Variants in DYNLL1 observed in about 807,000 individuals in gnomAD.
DYNLL1 encodes the protein dynein light chain 1, cytoplasmic.
DYNLL1 carries 3 observed loss-of-function variants against 10.1 expected under a neutral mutation model. That is an observed-to-expected ratio of 0.30 (90% CI 0.14 to 0.77). The LOEUF (loss-of-function observed/expected upper bound fraction) is 0.77, where lower values mean the gene tolerates loss of function less well. DYNLL1 is among the 30% of genes least tolerant of loss of function. The pLI is 0.66. For synonymous variants in DYNLL1, 46 were observed against 41.2 expected (o/e 1.12, Z -0.45); for missense variants, 47 against 111.7 (o/e 0.42, Z 2.61).
chr12:120,497,260 C>A (rs1460582723), intron 2 of DYNLL1: 1 of 153,130 alleles, frequency 6.5e-6, no homozygotes, highest in East Asian at 1.9e-4. Flanking sequence ...GTGTGACGCT[C>A]CACAAACACT....
chr12:120,475,696 A>G (rs1878737768), intron 1 of DYNLL1, among the ~76,000 whole-genome samples: 1 of 152,198 alleles, frequency 6.6e-6, no homozygotes, highest in South Asian at 2.1e-4. Flanking sequence ...TTTAATTGTA[A>G]TAGCCAAATG....
At chr12:120,489,684 G>C (rs1004449771) in intron 1 of DYNLL1, among the ~76,000 whole-genome samples, 7 of 152,092 alleles carry the variant, frequency 4.6e-5, no homozygotes, top group African/African-American at 1.7e-4. Context: ...TTCTCAGAGA[G>C]GTCTTCCTAG....
chr12:120,488,540 GTGTC>G (rs1879047374), intron 1 of DYNLL1: 1 of 152,232 alleles, frequency 6.6e-6, no homozygotes, highest in South Asian at 2.1e-4. Flanking sequence ...GATAGGAACT[GTGTC>G]TGACTCGCTT....
At chr12:120,476,179 T>A (rs1298607415) in intron 1 of DYNLL1, among the ~76,000 whole-genome samples, 2 of 152,142 alleles carry the variant, frequency 1.3e-5, no homozygotes, top group African/African-American at 4.8e-5. Flanking sequence ...AGAATCCTAA[T>A]TTTTTTAGAC....
At chr12:120,494,522 C>T (rs571391901), upstream of DYNLL1, among the ~76,000 whole-genome samples, 5 of 151,958 alleles carry the variant, frequency 3.3e-5, no homozygotes, top group African/African-American at 9.7e-5. Context: ...GTCATCCACC[C>T]GCCTCGGCCT....
intron 1 of DYNLL1, among the ~76,000 whole-genome samples, chr12:120,480,191 A>G (rs985248397): frequency 6.6e-6 from 1 of 152,218 alleles, no homozygotes; most frequent in African/African-American, 2.4e-5. Context: ...ATTAAAACCT[A>G]TGGTTCCCCC....
chr12:120,473,530 A>G (rs1316443725), intron 1 of DYNLL1, among the ~76,000 whole-genome samples: 1 of 151,690 alleles, frequency 6.6e-6, no homozygotes, highest in African/African-American at 2.4e-5. Context: ...CCTCATCTTT[A>G]CTAAAAACAC....
At chr12:120,477,756 C>T (rs954926598) in intron 1 of DYNLL1, among the ~76,000 whole-genome samples, 120 of 151,992 alleles carry the variant, frequency 7.9e-4, no homozygotes, top group African/African-American at 2.5e-3. Context: ...GCCTGGGTGA[C>T]AGAGCAAGAC....
upstream of DYNLL1, among the ~76,000 whole-genome samples, chr12:120,495,588 C>T (rs1879245512): frequency 6.6e-6 from 1 of 151,534 alleles, no homozygotes; most frequent in Non-Finnish European, 1.5e-5. Context: ...CTGGTTTACC[C>T]ACGAAGCCGG....
chr12:120,476,915 GTTTT>G (rs1438828950), intron 1 of DYNLL1, among the ~76,000 whole-genome samples: 1 of 148,622 alleles, frequency 6.7e-6, no homozygotes, highest in Non-Finnish European at 1.5e-5. Context: ...CCCGGACTTT[GTTTT>G]TTGTTTTGTT....
chr12:120,494,856 A>G (rs1376663028), upstream of DYNLL1, among the ~76,000 whole-genome samples: 2 of 152,218 alleles, frequency 1.3e-5, no homozygotes, highest in Admixed American at 6.5e-5. Context: ...TAACTTATTT[A>G]TGGAGGTTCG....
At chr12:120,491,869 C>A (rs1487273981), upstream of DYNLL1, 1 of 152,262 alleles carries the variant, frequency 6.6e-6, no homozygotes, top group East Asian at 1.9e-4. Flanking sequence ...AACTATCCAT[C>A]CTTTCTTCCA....
intron 1 of DYNLL1, among the ~76,000 whole-genome samples, chr12:120,480,414 A>C (rs745348542): frequency 6.6e-6 from 1 of 152,168 alleles, no homozygotes; most frequent in African/African-American, 2.4e-5. Context: ...CCTAGAGACA[A>C]CACCATCTCC....
chr12:120,474,783 G>A (rs1335155752), intron 1 of DYNLL1, among the ~76,000 whole-genome samples: 1 of 152,176 alleles, frequency 6.6e-6, no homozygotes, highest in Non-Finnish European at 1.5e-5. Context: ...TGATGGGGGA[G>A]TAGACCATCT....
chr12:120,493,192 C>CA (rs1232752260), upstream of DYNLL1, among the ~76,000 whole-genome samples: 1 of 152,076 alleles, frequency 6.6e-6, no homozygotes, highest in Admixed American at 6.6e-5. Context: ...TATTTATGGC[C>CA]AATGAGACTG....
At chr12:120,487,016 C>T (rs1464654028) in intron 1 of DYNLL1, among the ~76,000 whole-genome samples, 6 of 151,346 alleles carry the variant, frequency 4.0e-5, no homozygotes, top group Admixed American at 3.3e-4. Context: ...GCTCTGTCGC[C>T]CAGGCTGGAG....
intron 1 of DYNLL1, among the ~76,000 whole-genome samples, chr12:120,487,043 C>T (rs1236717317): frequency 3.3e-5 from 5 of 150,208 alleles, no homozygotes; most frequent in Admixed American, 6.6e-5. Context: ...GGCGCCATCT[C>T]GGCTCACTGC....
chr12:120,476,936 GTT>G (rs551127196), intron 1 of DYNLL1, among the ~76,000 whole-genome samples: 1 of 143,614 alleles, frequency 7.0e-6, no homozygotes, highest in Non-Finnish European at 1.5e-5. Context: ...TGTTTTTTTT[GTT>G]TTTTTTTTTG....
chr12:120,481,925 G>A (rs979957700), intron 1 of DYNLL1, among the ~76,000 whole-genome samples: 17 of 152,156 alleles, frequency 1.1e-4, no homozygotes, highest in African/African-American at 3.1e-4. Context: ...GCTAGCCCAC[G>A]GCAGCCTCGA....
Sources: allele counts gnomAD v4.1 joint callset (sites outside exome capture counted in the v4.1 genomes callset), GRCh38; gene constraint gnomAD v4.1.1; transcripts MANE v1.5; gene names NCBI Gene and HGNC (gene_info 2026-07-23, HGNC 2026-07-21).